PRUNE2: variants seen among roughly 807,000 people sequenced by gnomAD.
PRUNE2 encodes prune homolog 2 with BCH domain, also known as protein prune homolog 2.
In PRUNE2, 164 loss-of-function variants were observed where a neutral mutation model predicts 252.0. That is an observed-to-expected ratio of 0.65 (90% confidence interval 0.57 to 0.74). The LOEUF is 0.74. Among genes scored for constraint, PRUNE2 ranks in the 30% least tolerant of loss-of-function variants. PRUNE2 has a pLI of 0.00. For missense variants in PRUNE2, 3,495 were observed against 3,711.0 expected (o/e 0.94, Z 1.51); for synonymous variants, 1,292 against 1,350.2 (o/e 0.96, Z 0.94).
At position 76,680,157 on chromosome 9, in the gene PRUNE2, C is replaced by G. The variant is rs143668911; in HGVS notation, c.8276+23180G>C. On this transcript the variant is annotated intron_variant, in intron 9 of 18. Transcript: ENST00000376718. ...ATAAAGAACTCCTGAAACCCAACAACAAAAATGTACATAACCTGATTAAAA... is the reference window on the plus strand; with the variant it reads ...ATAAAGAACTCCTGAAACCCAACAAGAAAAATGTACATAACCTGATTAAAA... Among the ~76,000 whole-genome samples the G allele has an allele frequency of 2.3e-4, 35 of 152,102 alleles. No individual in the cohort carries two copies. The East Asian group carries it at 6.0e-3, about 26-fold the overall frequency.
intron 2 of PRUNE2, among the ~76,000 whole-genome samples, chr9:76,852,365 C>T (rs1326916644): frequency 6.6e-6 from 1 of 152,238 alleles, no homozygotes; most frequent in African/African-American, 2.4e-5. Flanking sequence ...GTAAATCAGG[C>T]ATGTGGCCTG....
intron 7 of PRUNE2, among the ~76,000 whole-genome samples, chr9:76,712,882 G>C (rs1269189206): frequency 2.4e-4 from 36 of 152,262 alleles, no homozygotes; most frequent in Non-Finnish European, 2.9e-5. Flanking sequence ...AGAAAAGAAA[G>C]GGGCAGAGAC....
chr9:76,706,437 C>G lies in PRUNE2; in HGVS notation c.5837G>C (p.Gly1946Ala). The change falls in exon 8 of 19, where the codon GGT becomes GCT. Residue 1946 changes from glycine (G) to alanine (A), a missense_variant. Gly to Ala is a moderately conservative substitution (Grantham distance 60, BLOSUM62 0). Transcript: ENST00000376718. ...AGGTGTTTCAGGAGTCAGCTCATCA[C>G]CAGCAGCAGACACAAAGGTTTGCTC... ...SREQTFVSAA[G>A]DELTPETPTQ... 2 of 1,613,970 alleles carry G rather than the reference C, an allele frequency of 1.2e-6. No individual in the cohort carries two copies. The highest frequency in any genetic ancestry group is 1.7e-6 in the Non-Finnish European group (2 of 1,179,870).
Position 76,856,543 on chromosome 9 carries a change from C to G in PRUNE2, c.37-2335G>C, listed in dbSNP as rs1349051289. ...AGGTGCTAAATGAAGACTGCAACCCCAAAGCATGCTACACGAACTCTCACA... is the reference window on the plus strand; with the variant it reads ...AGGTGCTAAATGAAGACTGCAACCCGAAAGCATGCTACACGAACTCTCACA... On this transcript the variant is annotated intron_variant, in intron 1 of 18. Coordinates refer to ENST00000376718, the MANE Select transcript of PRUNE2 (RefSeq NM_015225.3). 2.6e-5 allele frequency: 4 copies of G among 152,202 alleles called. No individual in the cohort carries two copies. The East Asian group carries it at 5.8e-4, about 22-fold the overall frequency. The allele number at this position is 152,202 out of a possible 1,614,324, so 9.4% of individuals were successfully genotyped here.
chr9:76,750,390 T>C (rs919088251), intron 6 of PRUNE2, among the ~76,000 whole-genome samples: 6 of 152,156 alleles, frequency 3.9e-5, no homozygotes, highest in African/African-American at 1.4e-4. Context: ...CTGAATTTAA[T>C]TGAATTACAG....
intron 1 of PRUNE2, among the ~76,000 whole-genome samples, chr9:76,874,294 A>G (rs966626183): frequency 6.6e-6 from 1 of 152,228 alleles, no homozygotes; most frequent in Non-Finnish European, 1.5e-5. Flanking sequence ...CTGGAAAACA[A>G]TAATAATGAT....
chr9:76,732,429 C>A (rs1393893683), intron 6 of PRUNE2, among the ~76,000 whole-genome samples: 4 of 152,230 alleles, frequency 2.6e-5, no homozygotes, highest in African/African-American at 9.6e-5. Flanking sequence ...TCTGCCCTTA[C>A]CACCCACGCA....
chr9:76,895,539 T>G (rs141318751), intron 1 of PRUNE2, among the ~76,000 whole-genome samples: 14 of 152,302 alleles, frequency 9.2e-5, no homozygotes, highest in Admixed American at 8.5e-4. Flanking sequence ...TTTTCTATGT[T>G]AATTATCTGA....
chr9:76,703,358 G>A lies in PRUNE2; in HGVS notation c.8255C>T (p.Thr2752Ile), dbSNP rs765101721. ...TTACCCATTTGGTCTTGATATCCTGGTTCCGAGCTCAAGGAACTCTGTCTC... is the reference window on the plus strand; with the variant it reads ...TTACCCATTTGGTCTTGATATCCTGATTCCGAGCTCAAGGAACTCTGTCTC... ...EEETEFLELG[T>I]RISRPNGLLS... is the part of the protein sequence containing the mutation. The change falls in exon 9 of 19, where the codon ACC (threonine) becomes ATC (isoleucine). Residue 2752 changes from threonine (T) to isoleucine (I), a missense_variant. Physicochemically the swap from Thr to Ile is moderately conservative, Grantham distance 89. Transcript: ENST00000376718. 1.3e-6 allele frequency: 2 copies of A among 1,596,976 alleles called. No individual in the cohort carries two copies. Among genetic ancestry groups the A allele is most frequent in the Non-Finnish European group, 8.5e-7 (1 of 1,171,254 alleles).
chr9:76,643,368 C>G (rs2132886479), intron 12 of PRUNE2, among the ~76,000 whole-genome samples: 1 of 152,314 alleles, frequency 6.6e-6, no homozygotes, highest in African/African-American at 2.4e-5. Flanking sequence ...CTCTTACAGG[C>G]AGCCTTTGTT....
intron 6 of PRUNE2, among the ~76,000 whole-genome samples, chr9:76,726,988 G>GA (rs537801896): frequency 5.4e-4 from 82 of 152,280 alleles, no homozygotes; most frequent in South Asian, 2.9e-3. Flanking sequence ...GCCAAATACA[G>GA]AAAAAAACCT....
At chr9:76,697,367 C>T (rs2045486421) in intron 9 of PRUNE2, among the ~76,000 whole-genome samples, 1 of 152,114 alleles carries the variant, frequency 6.6e-6, no homozygotes, top group South Asian at 2.1e-4. Context: ...ATTTGGAAAA[C>T]GTAAATGAAC....
Position 76,709,337 on chromosome 9 carries a change from A to G in PRUNE2, c.2937T>C (p.Ala979=), listed in dbSNP as rs776071549. 1.4e-5 allele frequency: 22 copies of G among 1,613,874 alleles called. No homozygotes were observed. Among genetic ancestry groups the G allele is most frequent in the East Asian group, 2.2e-5 (1 of 44,890 alleles). ...TSDSYTSPTF[A]GDEKETEHKP... ...TGTGTTCAGTTTCCTTTTCGTCTCC[A>G]GCAAATGTTGGTGATGTGTAAGAGT... The change falls in exon 8 of 19, where the codon GCT becomes GCC. Residue 979 remains alanine, a synonymous_variant. Coordinates refer to ENST00000376718, the MANE Select transcript of PRUNE2 (RefSeq NM_015225.3).
rs1395502676 is a variant in PRUNE2 at position 76,709,592 on chromosome 9, C to T, written c.2682G>A (p.Lys894=). ...SDLDHTWTNS[K]PPKEDQNGLV... Reference sequence around the variant, plus strand: ...AACCATTCTGATCTTCTTTTGGTGGCTTAGAATTAGTCCATGTGTGATCCA... The same window carrying T: ...AACCATTCTGATCTTCTTTTGGTGGTTTAGAATTAGTCCATGTGTGATCCA... Residue 894 remains lysine, a synonymous_variant, in exon 8 of 19, where the codon AAG becomes AAA. Coordinates refer to ENST00000376718, the MANE Select transcript of PRUNE2 (RefSeq NM_015225.3). 9.9e-6 allele frequency: 16 copies of T among 1,613,932 alleles called. No individual in the cohort carries two copies. The highest frequency in any genetic ancestry group is 1.3e-5 in the African/African-American group (1 of 75,008).
Position 76,710,725 on chromosome 9 carries a change from G to A in PRUNE2, c.1549C>T (p.Pro517Ser). 6.2e-7 allele frequency: 1 copy of A among 1,612,842 alleles called. No individual in the cohort carries two copies. The highest frequency in any genetic ancestry group is 8.5e-7 in the Non-Finnish European group (1 of 1,179,414). Residue 517 changes from proline to serine, a missense_variant, in exon 8 of 19, where the codon CCA (proline) becomes TCA (serine). Pro to Ser is a moderately conservative substitution (Grantham distance 74). Coordinates refer to ENST00000376718, the MANE Select transcript of PRUNE2 (RefSeq NM_015225.3). ...QQSSHSADYSPADDFFPNSDL... is the reference protein window; with the variant it reads ...QQSSHSADYSSADDFFPNSDL... Reference sequence around the variant, plus strand: ...CTGTTGGGGAAGAAGTCATCTGCTGGGGAGTAGTCTGCAGAATGAGAAGAT... The same window carrying A: ...CTGTTGGGGAAGAAGTCATCTGCTGAGGAGTAGTCTGCAGAATGAGAAGAT...
At chr9:76,620,106 C>G (rs765733496) in intron 17 of PRUNE2, among the ~76,000 whole-genome samples, 1 of 150,012 alleles carries the variant, frequency 6.7e-6, no homozygotes, top group African/African-American at 2.4e-5. Context: ...TTGATGAATA[C>G]TCATTACACC....
intron 4 of PRUNE2, among the ~76,000 whole-genome samples, chr9:76,830,471 G>A (rs1307243865): frequency 6.6e-6 from 1 of 151,996 alleles, no homozygotes; most frequent in Non-Finnish European, 1.5e-5. Context: ...GGCCAACATG[G>A]TGAAACTCCA....
chr9:76,867,352 C>T lies in PRUNE2; in HGVS notation c.37-13144G>A, dbSNP rs757182040. Among the ~76,000 whole-genome samples, 66 of 152,072 alleles carry T rather than the reference C, an allele frequency of 4.3e-4. 1 individual carries two copies. The highest frequency in any genetic ancestry group is 5.7e-4 in the Non-Finnish European group (39 of 68,034). On this transcript the variant is annotated intron_variant, in intron 1 of 18. Coordinates refer to ENST00000376718, the MANE Select transcript of PRUNE2 (RefSeq NM_015225.3). Reference sequence around the variant, plus strand: ...AGAAAAAACGAACCGCATCAGACCACGCAAAACGATCACACACCACGCTGA... The same window carrying T: ...AGAAAAAACGAACCGCATCAGACCATGCAAAACGATCACACACCACGCTGA...
At chr9:76,786,280 G>A (rs930251258) in intron 6 of PRUNE2, 23 of 152,112 alleles carry the variant, frequency 1.5e-4, no homozygotes, top group Admixed American at 6.6e-4. Context: ...GCTCATAGGA[G>A]AGAATATAAG....
Sources: allele counts gnomAD v4.1 joint callset (sites outside exome capture counted in the v4.1 genomes callset), GRCh38; gene constraint gnomAD v4.1.1; transcripts MANE v1.5; gene names NCBI Gene and HGNC (gene_info 2026-07-23, HGNC 2026-07-21).